Variants in TFB2M observed in about 807,000 individuals in gnomAD.
TFB2M encodes the protein transcription factor B2, mitochondrial, also known as dimethyladenosine transferase 2, mitochondrial.
A neutral mutation model predicts 41.3 loss-of-function variants in TFB2M; 44 were observed. That is an observed-to-expected ratio of 1.07 (90% CI 0.84 to 1.37). The LOEUF (loss-of-function observed/expected upper bound fraction) is 1.37, where lower values mean the gene tolerates loss of function less well. Ranked by LOEUF, TFB2M falls within the 40% of genes most tolerant of loss-of-function variation. TFB2M has a pLI of 0.00. For synonymous variants in TFB2M, 188 were observed against 176.8 expected (o/e 1.06, Z -0.50); for missense variants, 496 against 490.2 (o/e 1.01, Z -0.11).
chr1:246,546,012 T>G (rs925048921), intron 6 of TFB2M, among the ~76,000 whole-genome samples: 3 of 151,500 alleles, frequency 2.0e-5, no homozygotes, highest in Non-Finnish European at 4.4e-5. Context: ...AACATGTAAG[T>G]AGGGTAAAAT....
chr1:246,564,343 T>C lies in TFB2M; in HGVS notation c.402+3A>G. The C allele has an allele frequency of 6.2e-7, 1 of 1,613,648 alleles. No individual in the cohort carries two copies. The highest frequency in any genetic ancestry group is 2.2e-5 in the East Asian group (1 of 44,856). ...AACATACGTTGAGAAACTAAAAATA[T>C]ACCTCCAAATGTGGAATAAAAGTTT... On this transcript the variant is annotated splice_donor_region_variant and intron_variant, in intron 2 of 7. Transcript: ENST00000366514.
At chr1:246,555,303 A>G (rs915912760) in intron 4 of TFB2M, among the ~76,000 whole-genome samples, 1 of 152,188 alleles carries the variant, frequency 6.6e-6, no homozygotes, top group Non-Finnish European at 1.5e-5. Flanking sequence ...AAAACTAAAA[A>G]TAGACTGGGT....
chr1:246,553,649 C>CAG (rs56057692), intron 4 of TFB2M, among the ~76,000 whole-genome samples: 55,959 of 151,810 alleles, frequency 0.37, 11,114 homozygotes, highest in Non-Finnish European at 0.44. Flanking sequence ...GCCTGGGCGA[C>CAG]AGTGAGACCC....
At chr1:246,550,756 G>A (rs4654290) in intron 5 of TFB2M, among the ~76,000 whole-genome samples, 71,526 of 152,152 alleles carry the variant, frequency 0.47, 17,044 homozygotes, top group African/African-American at 0.5. Flanking sequence ...GGCGGTGCAC[G>A]CCTGTAGTCC....
intron 6 of TFB2M, among the ~76,000 whole-genome samples, chr1:246,546,260 C>T (rs904041979): frequency 8.0e-5 from 12 of 149,478 alleles, no homozygotes; most frequent in African/African-American, 1.5e-4. Context: ...TGCAGTAAGC[C>T]GTGATTATGC....
intron 7 of TFB2M, 78 bp from the exon 8 acceptor site, chr1:246,541,280 T>C (rs570515541): frequency 2.3e-5 from 32 of 1,394,970 alleles, no homozygotes; most frequent in Non-Finnish European, 9.8e-7. Flanking sequence ...AAATGGCTTC[T>C]AAGTTGAATT....
At position 246,544,521 on chromosome 1, in the gene TFB2M, C is replaced by A. The variant is rs201347016; in HGVS notation, c.1019G>T (p.Arg340Leu). ...ACTTGCTTTTATTCTTTTTACTCAC[C>A]GTAAGTGGTCTATTACAGTGGCGCT... is the stretch of plus-strand genomic sequence containing the variant. ...RRSATVIDHL[R>L]SLTPLDARDI... The change falls in exon 7 of 8, where the codon CGT (arginine) becomes CTT (leucine). Residue 340 changes from arginine to leucine, a missense_variant and splice_region_variant. Physicochemically the swap from Arg to Leu is moderately radical, Grantham distance 102 (BLOSUM62 -2). Coordinates refer to ENST00000366514, the MANE Select transcript of TFB2M (RefSeq NM_022366.3). 2.5e-6 allele frequency: 4 copies of A among 1,592,448 alleles called. No homozygotes were observed. Among genetic ancestry groups the A allele is most frequent in the Non-Finnish European group, 3.4e-6 (4 of 1,174,494 alleles).
chr1:246,556,782 TA>T, intron 3 of TFB2M, 61 bp from the exon 4 acceptor site: 2 of 1,389,110 alleles, frequency 1.4e-6, no homozygotes, highest in Non-Finnish European at 1.9e-6. Flanking sequence ...CCTATGTCCA[TA>T]TTTTTTTGAG....
At chr1:246,564,540 C>G in intron 1 of TFB2M, 106 bp from the exon 2 acceptor site, 4 of 973,424 alleles carry the variant, frequency 4.1e-6, no homozygotes, top group Non-Finnish European at 4.7e-6. Flanking sequence ...GTTTTTAAAT[C>G]TGACAGCATC....
intron 7 of TFB2M, among the ~76,000 whole-genome samples, chr1:246,544,040 T>C (rs980643553): frequency 6.6e-6 from 1 of 152,194 alleles, no homozygotes; most frequent in African/African-American, 2.4e-5. Context: ...AAGCAAGTAG[T>C]GTTACTTACA....
rs543584116 is a variant in TFB2M, at chr1:246,564,330, G to C, written c.402+16C>G. On this transcript the variant is annotated intron_variant, in intron 2 of 7. Transcript: ENST00000366514. ...TTGAACAAACAATAACATACGTTGA[G>C]AAACTAAAAATATACCTCCAAATGT... 1 of 1,611,406 alleles carries C rather than the reference G, an allele frequency of 6.2e-7. No individual in the cohort carries two copies. The highest frequency in any genetic ancestry group is 8.5e-7 in the Non-Finnish European group (1 of 1,177,616).
chr1:246,566,241 G>C lies in TFB2M; in HGVS notation c.-103C>G, dbSNP rs1358878639. 3 of 1,234,888 alleles carry C rather than the reference G, an allele frequency of 2.4e-6. No individual in the cohort carries two copies. Among genetic ancestry groups the C allele is most frequent in the African/African-American group, 3.0e-5 (2 of 66,006 alleles). 76.5% of individuals were successfully genotyped at this position (1,234,888 alleles called of 1,614,324 possible). ...GGAACATTTTCTGGCGTCCGGGCCAGGTCAAGCGGAAGTAAACACTAGAGC... is the reference window on the plus strand; with the variant it reads ...GGAACATTTTCTGGCGTCCGGGCCACGTCAAGCGGAAGTAAACACTAGAGC... On this transcript the variant is annotated 5_prime_UTR_variant, in exon 1 of 8. Transcript: ENST00000366514.
At chr1:246,552,773 T>C (rs1659220940) in intron 4 of TFB2M, among the ~76,000 whole-genome samples, 1 of 151,742 alleles carries the variant, frequency 6.6e-6, no homozygotes, top group African/African-American at 2.4e-5. Context: ...AAAAAAATCC[T>C]GTTAAAACTA....
chr1:246,552,312 T>A (rs1251688064), intron 4 of TFB2M, among the ~76,000 whole-genome samples: 3 of 151,968 alleles, frequency 2.0e-5, no homozygotes, highest in Non-Finnish European at 2.9e-5. Context: ...GATTAACAGA[T>A]CAATAACATG....
intron 4 of TFB2M, among the ~76,000 whole-genome samples, chr1:246,554,090 G>A (rs1187312934): frequency 2.0e-5 from 3 of 152,178 alleles, no homozygotes; most frequent in Admixed American, 6.5e-5. Flanking sequence ...TTTAATGGCA[G>A]TAAAGAACAG....
chr1:246,551,643 C>T (rs2102986743), intron 4 of TFB2M, among the ~76,000 whole-genome samples: 1 of 151,820 alleles, frequency 6.6e-6, no homozygotes. Context: ...GATGCTTGAG[C>T]CTAGAAGTTC....
chr1:246,542,056 G>C (rs903878656), intron 7 of TFB2M, among the ~76,000 whole-genome samples: 1 of 152,060 alleles, frequency 6.6e-6, no homozygotes, highest in South Asian at 2.1e-4. Context: ...ATTGCTCCAA[G>C]GATACAAACC....
chr1:246,543,671 T>C (rs1658919759), intron 7 of TFB2M, among the ~76,000 whole-genome samples: 1 of 152,168 alleles, frequency 6.6e-6, no homozygotes, highest in Non-Finnish European at 1.5e-5. Flanking sequence ...CAGTGGCTCA[T>C]GCCTGTAACC....
intron 6 of TFB2M, among the ~76,000 whole-genome samples, chr1:246,546,709 A>G (rs1214649248): frequency 1.3e-5 from 2 of 152,034 alleles, no homozygotes; most frequent in East Asian, 3.9e-4. Context: ...TCAAGATAAA[A>G]CATCACCATC....
Sources: allele counts gnomAD v4.1 joint callset (sites outside exome capture counted in the v4.1 genomes callset), GRCh38; gene constraint gnomAD v4.1.1; transcripts MANE v1.5; gene names NCBI Gene and HGNC (gene_info 2026-07-23, HGNC 2026-07-21).